Variants in MAGI2 observed in about 807,000 individuals in gnomAD.
MAGI2 encodes the protein membrane associated guanylate kinase, WW and PDZ domain containing 2, also known as membrane-associated guanylate kinase, WW and PDZ domain-containing protein 2.
A neutral mutation model predicts 133.3 loss-of-function variants in MAGI2; 35 were observed. The ratio of observed to expected loss-of-function variants is 0.26; its 90% CI spans 0.20 to 0.35. The LOEUF (loss-of-function observed/expected upper bound fraction) is 0.35. MAGI2 is among the 10% of genes least tolerant of loss of function. The probability of loss-of-function intolerance (pLI) is 1.00; values close to 1 mark genes in which losing one functional copy is unlikely to be tolerated. For synonymous variants in MAGI2, 729 were observed against 710.6 expected (o/e 1.03, Z -0.41); for missense variants, 1,636 against 1,863.4 (o/e 0.88, Z 2.25).
intron 1 of MAGI2, among the ~76,000 whole-genome samples, chr7:79,217,498 T>C (rs1309320609): frequency 6.6e-6 from 1 of 152,018 alleles, no homozygotes. Context: ...CAATGCTATA[T>C]AGAAGGTATT....
intron 10 of MAGI2, among the ~76,000 whole-genome samples, chr7:78,237,436 T>C (rs1351250588): frequency 6.6e-6 from 1 of 152,166 alleles, no homozygotes; most frequent in Non-Finnish European, 1.5e-5. Context: ...TTTAAAATTT[T>C]TTATTTTTAT....
chr7:78,590,369 A>G (rs1169949645), intron 3 of MAGI2, among the ~76,000 whole-genome samples: 3 of 152,154 alleles, frequency 2.0e-5, no homozygotes, highest in African/African-American at 7.2e-5. Flanking sequence ...CTCATCAAGG[A>G]TGACTGGCAT....
At chr7:78,738,921 ATACT>A (rs1370303620) in intron 2 of MAGI2, among the ~76,000 whole-genome samples, 1 of 152,230 alleles carries the variant, frequency 6.6e-6, no homozygotes, top group Non-Finnish European at 1.5e-5. Context: ...ACTCATTAAA[ATACT>A]TACTGCATGT....
chr7:78,669,385 T>C (rs1814050223), intron 2 of MAGI2, among the ~76,000 whole-genome samples: 1 of 152,024 alleles, frequency 6.6e-6, no homozygotes, highest in East Asian at 1.9e-4. Context: ...AAGTTGAATC[T>C]CTGAATAGAC....
chr7:79,368,353 C>A (rs548336679), intron 1 of MAGI2, among the ~76,000 whole-genome samples: 1 of 152,116 alleles, frequency 6.6e-6, no homozygotes, highest in Admixed American at 6.5e-5. Context: ...CAGAAAAACC[C>A]CACCCAGGAA....
chr7:79,272,722 T>TAAAG (rs3050537), intron 1 of MAGI2, among the ~76,000 whole-genome samples: 150,359 of 152,084 alleles, frequency 0.99, 74,352 homozygotes, highest in East Asian at 1. Context: ...TAAGTTTAAA[T>TAAAG]ATAGTATTAA....
intron 2 of MAGI2, among the ~76,000 whole-genome samples, chr7:78,693,009 T>C (rs1817129010): frequency 6.6e-6 from 1 of 152,178 alleles, no homozygotes; most frequent in Non-Finnish European, 1.5e-5. Flanking sequence ...CAGAGATCAG[T>C]ATCTAGTGAG....
chr7:79,145,596 A>G (rs1266621574), intron 1 of MAGI2, among the ~76,000 whole-genome samples: 1 of 152,136 alleles, frequency 6.6e-6, no homozygotes, highest in African/African-American at 2.4e-5. Flanking sequence ...AGCCAATAAA[A>G]TACATACTAG....
At chr7:79,395,259 A>C (rs1844962038) in intron 1 of MAGI2, among the ~76,000 whole-genome samples, 1 of 152,242 alleles carries the variant, frequency 6.6e-6, no homozygotes, top group Admixed American at 6.5e-5. Context: ...GCTGTTAAAC[A>C]GAAACCATGT....
intron 9 of MAGI2, among the ~76,000 whole-genome samples, chr7:78,318,335 A>G (rs1787641039): frequency 6.6e-6 from 1 of 152,214 alleles, no homozygotes; most frequent in Non-Finnish European, 1.5e-5. Context: ...AAACACAAGT[A>G]TCAATAGCCA....
intron 2 of MAGI2, among the ~76,000 whole-genome samples, chr7:78,882,582 A>G (rs1795961479): frequency 6.6e-6 from 1 of 152,134 alleles, no homozygotes; most frequent in African/African-American, 2.4e-5. Flanking sequence ...ATAGGACAAT[A>G]TTCCTAAAGA....
intron 2 of MAGI2, among the ~76,000 whole-genome samples, chr7:78,985,954 CT>C (rs2116251513): frequency 6.6e-6 from 1 of 152,126 alleles, no homozygotes; most frequent in South Asian, 2.1e-4. Flanking sequence ...CCAGGTAATG[CT>C]TTCCATGCAA....
Position 78,059,775 on chromosome 7 carries a change from A to ATTTTT in MAGI2, c.3706+19171_3706+19172insAAAAA, listed in dbSNP as rs141199304. On this transcript the variant is annotated intron_variant, in intron 21 of 21. Transcript: ENST00000354212. ...GGAACAATGCCATATATATATATAT[A>ATTTTT]TATTTTTTTTCTGGAGTCCCTACAG... is the stretch of plus-strand genomic sequence containing the variant. Among the ~76,000 whole-genome samples the ATTTTT allele has an allele frequency of 2.4e-3, 216 of 89,442 alleles. 2 individuals are homozygous for ATTTTT. The highest frequency in any genetic ancestry group is 3.1e-3 in the Non-Finnish European group (132 of 42,052). 58.7% of individuals were successfully genotyped at this position (89,442 alleles called of 152,430 possible).
At chr7:78,830,205 A>T (rs1048602343) in intron 2 of MAGI2, among the ~76,000 whole-genome samples, 1 of 152,114 alleles carries the variant, frequency 6.6e-6, no homozygotes. Flanking sequence ...TTTATTGGAC[A>T]TTTAATTCTT....
chr7:78,394,316 C>G (rs796959265), intron 6 of MAGI2, among the ~76,000 whole-genome samples: 58 of 152,300 alleles, frequency 3.8e-4, no homozygotes, highest in African/African-American at 1.3e-3. Flanking sequence ...CATTCATTCC[C>G]TTCCCCTACT....
chr7:78,240,279 C>T (rs1057184952), intron 10 of MAGI2, among the ~76,000 whole-genome samples: 3 of 151,992 alleles, frequency 2.0e-5, no homozygotes, highest in African/African-American at 7.3e-5. Context: ...TGATGGTTTC[C>T]AGCTTCATCC....
At chr7:78,696,393 T>G (rs1363484778) in intron 2 of MAGI2, among the ~76,000 whole-genome samples, 1 of 152,228 alleles carries the variant, frequency 6.6e-6, no homozygotes, top group Non-Finnish European at 1.5e-5. Context: ...CCTCCTACTG[T>G]GGCAAAATTT....
At chr7:79,416,392 G>A (rs1264981605) in intron 1 of MAGI2, among the ~76,000 whole-genome samples, 1 of 151,832 alleles carries the variant, frequency 6.6e-6, no homozygotes, top group Non-Finnish European at 1.5e-5. Flanking sequence ...GAGAAGGAAG[G>A]GGGGAAGAAA....
intron 2 of MAGI2, among the ~76,000 whole-genome samples, chr7:78,863,426 G>A (rs1013400068): frequency 6.6e-6 from 1 of 152,164 alleles, no homozygotes; most frequent in Non-Finnish European, 1.5e-5. Context: ...GTGAGGGAGG[G>A]AGTGAGAGAG....
Sources: allele counts gnomAD v4.1 joint callset (sites outside exome capture counted in the v4.1 genomes callset), GRCh38; gene constraint gnomAD v4.1.1; transcripts MANE v1.5; gene names NCBI Gene and HGNC (gene_info 2026-07-23, HGNC 2026-07-21).